FAM167A: variants seen among roughly 807,000 people sequenced by gnomAD.
The protein encoded by FAM167A is protein FAM167A.
FAM167A carries 23 observed loss-of-function variants against 14.9 expected under a neutral mutation model. The observed-to-expected ratio is 1.55, with a 90% CI of 1.11 to 2.19. The LOEUF (loss-of-function observed/expected upper bound fraction) is 2.19, where lower values mean the gene tolerates loss of function less well. Ranked by LOEUF, FAM167A falls within the 30% of genes most tolerant of loss-of-function variation. The pLI is 0.00. For synonymous variants in FAM167A, 174 were observed against 117.7 expected, an observed-to-expected ratio of 1.48 and a Z score of -3.10; for missense variants, 401 against 281.5, an observed-to-expected ratio of 1.42 and a Z score of -3.04.
rs190505604 is a variant in FAM167A, at chr8:11,466,693, C to G, written c.-465G>C. On this transcript the variant is annotated 5_prime_UTR_variant, in exon 1 of 3. Transcript: ENST00000284486. ...CCCGCCGCCTCCTCCTGCGCGGGTCCGCGCTGCCCGGCCTCAGCTCAGGGC... is the reference window on the plus strand; with the variant it reads ...CCCGCCGCCTCCTCCTGCGCGGGTCGGCGCTGCCCGGCCTCAGCTCAGGGC... 3 of 152,560 alleles carry G rather than the reference C, an allele frequency of 2.0e-5. No homozygotes were observed. The highest frequency in any genetic ancestry group is 4.4e-5 in the Non-Finnish European group (3 of 68,186). The allele number at this position is 152,560 out of a possible 1,614,324, so 9.5% of individuals were successfully genotyped here. A position where few individuals can be genotyped will look rare whatever the true frequency, so the allele number is the denominator to read the frequency against.
chr8:11,444,810 T>G lies in FAM167A; in HGVS notation c.-397-2A>C. ...GGGAAGGGCAGGTGGCTGGAGACCC[T>G]GTGGGAGGGATGAGAACCGCATCAG... is the stretch of plus-strand genomic sequence containing the variant. On this transcript the variant is annotated splice_acceptor_variant, in intron 1 of 2. Transcript: ENST00000284486. LOFTEE classifies it low-confidence loss of function (5UTR_SPLICE). 1.0e-6 allele frequency: 1 copy of G among 1,002,886 alleles called. No individual in the cohort carries two copies. The highest frequency in any genetic ancestry group is 1.2e-6 in the Non-Finnish European group (1 of 841,198). 62.1% of individuals were successfully genotyped at this position (1,002,886 alleles called of 1,614,324 possible).
chr8:11,442,538 C>G (rs28485693), intron 2 of FAM167A, among the ~76,000 whole-genome samples: 20,668 of 152,174 alleles, frequency 0.14, 1,750 homozygotes, highest in Middle Eastern at 0.29. Flanking sequence ...ATCTCGAACT[C>G]GAAACCAACA....
chr8:11,426,521 C>CAAAAGTGTCTGAGACAGGTG (rs1290534313), intron 2 of FAM167A, among the ~76,000 whole-genome samples: 3 of 152,158 alleles, frequency 2.0e-5, no homozygotes, highest in African/African-American at 7.2e-5. Flanking sequence ...CACTGTAAAC[C>CAAAAGTGTCTGAGACAGGTG]AAAAGTGTCT....
chr8:11,469,918 AAAT>A (rs1258504900), upstream of FAM167A, among the ~76,000 whole-genome samples: 23 of 143,944 alleles, frequency 1.6e-4, no homozygotes, highest in Middle Eastern at 6.9e-3. Context: ...ATAAATAAAT[AAAT>A]AAAAGATTTA....
At position 11,424,647 on chromosome 8, in the gene FAM167A, G is replaced by C. The variant is rs775280270; in HGVS notation, c.382-11C>G. 30 of 1,612,006 alleles carry C rather than the reference G, an allele frequency of 1.9e-5. 2 individuals are homozygous for C. The highest frequency in any genetic ancestry group is 2.4e-5 in the Non-Finnish European group (28 of 1,179,476). ...CAGCCGCATCTCCGTCTGGAAGGGAGGGGGAGCAGGCAGGGTCAGCAGAGA... is the reference window on the plus strand; with the variant it reads ...CAGCCGCATCTCCGTCTGGAAGGGACGGGGAGCAGGCAGGGTCAGCAGAGA... On this transcript the variant is annotated splice_polypyrimidine_tract_variant and intron_variant, in intron 2 of 2. Transcript: ENST00000284486.
At chr8:11,460,741 A>G (rs941986108) in intron 1 of FAM167A, among the ~76,000 whole-genome samples, 7 of 152,178 alleles carry the variant, frequency 4.6e-5, no homozygotes, top group African/African-American at 1.7e-4. Context: ...AGCCATCGAA[A>G]GAACTGCCCC....
intron 1 of FAM167A, among the ~76,000 whole-genome samples, chr8:11,475,205 C>A (rs1797833141): frequency 6.6e-6 from 1 of 152,186 alleles, no homozygotes. Context: ...GGTTCCTCGG[C>A]TTTTCCTCTG....
intron 2 of FAM167A, among the ~76,000 whole-genome samples, chr8:11,427,242 G>A (rs1432184398): frequency 1.3e-5 from 2 of 152,184 alleles, no homozygotes; most frequent in Non-Finnish European, 2.9e-5. Context: ...GTACCAGCAG[G>A]ACAGTCTGGC....
At chr8:11,460,502 C>A (rs914327772) in intron 1 of FAM167A, among the ~76,000 whole-genome samples, 2 of 152,244 alleles carry the variant, frequency 1.3e-5, no homozygotes, top group African/African-American at 4.8e-5. Context: ...CCGACTCGCC[C>A]ACGTTTCCCT....
At chr8:11,474,386 C>T (rs961827940) in intron 1 of FAM167A, among the ~76,000 whole-genome samples, 4 of 152,168 alleles carry the variant, frequency 2.6e-5, no homozygotes, top group South Asian at 2.1e-4. Flanking sequence ...CAAAACAGGA[C>T]GGCGCATGGA....
chr8:11,448,062 C>T (rs1327871999), intron 1 of FAM167A, among the ~76,000 whole-genome samples: 3 of 152,082 alleles, frequency 2.0e-5, no homozygotes, highest in South Asian at 2.1e-4. Flanking sequence ...GGCGTAGTGG[C>T]GCACGCCTGT....
upstream of FAM167A, among the ~76,000 whole-genome samples, chr8:11,469,606 C>T (rs2117170058): frequency 6.6e-6 from 1 of 152,280 alleles, no homozygotes; most frequent in African/African-American, 2.4e-5. Context: ...GTAGCTCACA[C>T]CTGTAATCCC....
intron 2 of FAM167A, among the ~76,000 whole-genome samples, chr8:11,436,002 C>T (rs1189298288): frequency 3.9e-5 from 6 of 152,192 alleles, no homozygotes; most frequent in African/African-American, 1.2e-4. Context: ...GTGCCGGGTC[C>T]CTGCCAGAGC....
rs541628245 is a variant in FAM167A at position 11,426,706 on chromosome 8, G to C, written c.382-2070C>G. Among the ~76,000 whole-genome samples the C allele has an allele frequency of 2.0e-5, 3 of 152,278 alleles. No individual in the cohort carries two copies. The East Asian group carries it at 5.8e-4, about 29-fold the overall frequency. ...TTTTTAAAGGTGTAGGTAGATAAGA[G>C]ACAAACGATTGCATTCTTTTGGGTC... is the stretch of plus-strand genomic sequence containing the variant. On this transcript the variant is annotated intron_variant, in intron 2 of 2. Coordinates refer to ENST00000284486, the MANE Select transcript of FAM167A (RefSeq NM_053279.3).
intron 2 of FAM167A, among the ~76,000 whole-genome samples, chr8:11,426,424 G>T (rs1486425174): frequency 3.3e-5 from 5 of 152,196 alleles, no homozygotes; most frequent in Non-Finnish European, 4.4e-5. Context: ...ACCTCTTTAA[G>T]TATTTTACAG....
intron 2 of FAM167A, among the ~76,000 whole-genome samples, chr8:11,427,942 TGAGCCTGGAACG>T (rs1805299295): frequency 6.6e-6 from 1 of 152,238 alleles, no homozygotes; most frequent in East Asian, 1.9e-4. Flanking sequence ...TGTCCCTCAC[TGAGCCTGGAACG>T]GAGCTAGGTG....
At chr8:11,470,873 A>T (rs1322385234), upstream of FAM167A, among the ~76,000 whole-genome samples, 1 of 152,080 alleles carries the variant, frequency 6.6e-6, no homozygotes, top group Non-Finnish European at 1.5e-5. Context: ...TGTCTTAGGC[A>T]TGTTCAGCTG....
intron 2 of FAM167A, among the ~76,000 whole-genome samples, chr8:11,437,257 A>C (rs1302195590): frequency 6.6e-6 from 1 of 152,036 alleles, no homozygotes; most frequent in Non-Finnish European, 1.5e-5. Flanking sequence ...CAGTTTTCTC[A>C]TCTGTGAAAT....
Position 11,444,508 on chromosome 8 carries a change from T to C in FAM167A, c.-97A>G. On this transcript the variant is annotated 5_prime_UTR_variant, in exon 2 of 3. Coordinates refer to ENST00000284486, the MANE Select transcript of FAM167A (RefSeq NM_053279.3). ...AGTTGGGTCCCGCTCTGGGATGGCC[T>C]CATCCAGGTGCCCGAGGGCATTTCC... The C allele has an allele frequency of 6.7e-7, 1 of 1,481,576 alleles. No individual in the cohort carries two copies. The highest frequency in any genetic ancestry group is 8.9e-7 in the Non-Finnish European group (1 of 1,123,192). The allele number at this position is 1,481,576 out of a possible 1,614,324, so 91.8% of individuals were successfully genotyped here.
Sources: allele counts gnomAD v4.1 joint callset (sites outside exome capture counted in the v4.1 genomes callset), GRCh38; gene constraint gnomAD v4.1.1; transcripts MANE v1.5; gene names NCBI Gene and HGNC (gene_info 2026-07-23, HGNC 2026-07-21).